The following GABBR2 variants were observed in gnomAD, a reference collection of about 807,000 sequenced individuals.
GABBR2 encodes gamma-aminobutyric acid type B receptor subunit 2.
Under a neutral mutation model 105.6 loss-of-function variants are expected in GABBR2, and 23 were observed. The ratio of observed to expected loss-of-function variants is 0.22; its 90% confidence interval spans 0.16 to 0.31. The LOEUF (loss-of-function observed/expected upper bound fraction) is 0.31. GABBR2 is among the 10% of genes least tolerant of loss of function. The pLI, the probability that GABBR2 is intolerant of heterozygous loss-of-function variation, is 1.00. For synonymous variants in GABBR2, 478 were observed against 499.7 expected (o/e 0.96, Z 0.58); for missense variants, 734 against 1,245.5 (o/e 0.59, Z 6.18).
chr9:98,315,456 G>A (rs1223166612), intron 13 of GABBR2, among the ~76,000 whole-genome samples: 1 of 152,210 alleles, frequency 6.6e-6, no homozygotes, highest in Non-Finnish European at 1.5e-5. Flanking sequence ...TGATGTTCCT[G>A]TTCCTGTGAG....
intron 1 of GABBR2, among the ~76,000 whole-genome samples, chr9:98,701,305 G>C (rs1321728577): frequency 6.6e-6 from 1 of 152,216 alleles, no homozygotes; most frequent in African/African-American, 2.4e-5. Flanking sequence ...TCTTTAAAAA[G>C]GAATTTGGGG....
At chr9:98,448,919 T>TA (rs10623958) in intron 7 of GABBR2, among the ~76,000 whole-genome samples, 13,640 of 146,484 alleles carry the variant, frequency 0.093, 720 homozygotes, top group South Asian at 0.24. Flanking sequence ...GGAAAGAGTT[T>TA]AAAAAAAAAA....
intron 16 of GABBR2, among the ~76,000 whole-genome samples, chr9:98,299,831 G>C (rs1440685239): frequency 1.3e-5 from 2 of 152,138 alleles, no homozygotes; most frequent in African/African-American, 4.8e-5. Flanking sequence ...GTTTAGCCCA[G>C]TGTCTGAAAC....
At chr9:98,644,362 C>A (rs1362102279) in intron 1 of GABBR2, among the ~76,000 whole-genome samples, 2 of 152,214 alleles carry the variant, frequency 1.3e-5, no homozygotes, top group African/African-American at 4.8e-5. Context: ...TGAAACAGAT[C>A]TTGGTTGCCT....
Position 98,388,660 on chromosome 9 carries a change from TGC to T in GABBR2, c.1529+192_1529+193del, listed in dbSNP as rs1554698924. 7.1e-5 allele frequency among the ~76,000 whole-genome samples: 10 copies of T among 141,790 alleles called. No individual in the cohort carries two copies. The highest frequency in any genetic ancestry group is 1.2e-4 in the Non-Finnish European group (8 of 65,666). 93.0% of individuals were successfully genotyped at this position (141,790 alleles called of 152,430 possible). A position where few individuals can be genotyped will look rare whatever the true frequency, so the allele number is the denominator to read the frequency against. ...GTGTGTGTGTGTGTGTGTGTGTGTG[TGC>T]GTGCACGCACACACACGTACTCACA... On this transcript the variant is annotated intron_variant, in intron 10 of 18. Coordinates refer to ENST00000259455, the MANE Select transcript of GABBR2 (RefSeq NM_005458.8). This position sits in a 1 kb window ranked among gnomAD's most constrained non-coding sequence, Gnocchi z 4.4.
Position 98,306,196 on chromosome 9 carries a change from A to G in GABBR2, c.2154T>C (p.Asn718=), listed in dbSNP as rs780225675. The change falls in exon 15 of 19, where the codon AAT becomes AAC. Residue 718 remains asparagine (N), a synonymous_variant. Coordinates refer to ENST00000259455, the MANE Select transcript of GABBR2 (RefSeq NM_005458.8). This position sits in a 1 kb window ranked among gnomAD's most constrained non-coding sequence, Gnocchi z 5.4. Reference sequence around the variant, plus strand: ...CCAGAGCCACGATGCAGAACTGCACATTGGGCTGGTCCCGGGTCAGGAAGG... The same window carrying G: ...CCAGAGCCACGATGCAGAACTGCACGTTGGGCTGGTCCCGGGTCAGGAAGG... The part of the protein sequence containing the change: ...AVSFLTRDQP[N]VQFCIVALVI... 3.7e-6 allele frequency: 6 copies of G among 1,614,050 alleles called. No individual in the cohort carries two copies. Among genetic ancestry groups the G allele is most frequent in the Non-Finnish European group, 3.4e-6 (4 of 1,180,018 alleles).
At chr9:98,628,167 A>G (rs1332265073) in intron 1 of GABBR2, among the ~76,000 whole-genome samples, 1 of 152,238 alleles carries the variant, frequency 6.6e-6, no homozygotes, top group African/African-American at 2.4e-5. Flanking sequence ...TATCCCACTT[A>G]GGCCAACAAT....
chr9:98,611,409 C>G (rs771891544), intron 1 of GABBR2, among the ~76,000 whole-genome samples: 8 of 152,168 alleles, frequency 5.3e-5, no homozygotes, highest in Non-Finnish European at 8.8e-5. Context: ...GCTTCTCCAA[C>G]AATGAAAACT....
chr9:98,634,020 AG>A (rs1286803144), intron 1 of GABBR2, among the ~76,000 whole-genome samples: 6 of 152,154 alleles, frequency 3.9e-5, no homozygotes, highest in African/African-American at 1.2e-4. Context: ...GAATTTTCAG[AG>A]CTGTCACACG....
Position 98,323,684 on chromosome 9 carries a change from C to T in GABBR2, c.1894-12479G>A, listed in dbSNP as rs73657137. On this transcript the variant is annotated intron_variant, in intron 13 of 18. Coordinates refer to ENST00000259455, the MANE Select transcript of GABBR2 (RefSeq NM_005458.8). ...AGGCCTTGGACCTCCCAGCCTAGAC[C>T]TTGAGGCAGCTGAGCTGTTCCCACT... 7.5e-3 allele frequency among the ~76,000 whole-genome samples: 1,135 copies of T among 152,330 alleles called. 11 individuals are homozygous for T. Among genetic ancestry groups the T allele is most frequent in the African/African-American group, 0.026 (1,092 of 41,580 alleles).
intron 2 of GABBR2, among the ~76,000 whole-genome samples, chr9:98,556,430 CCA>C (rs775909856): frequency 2.0e-5 from 3 of 152,156 alleles, no homozygotes; most frequent in African/African-American, 4.8e-5. Flanking sequence ...GCACGAGACT[CCA>C]CACCTCTGAA....
At chr9:98,399,227 G>A (rs1832346564) in intron 8 of GABBR2, among the ~76,000 whole-genome samples, 2 of 151,908 alleles carry the variant, frequency 1.3e-5, no homozygotes, top group South Asian at 4.2e-4. Context: ...GGTGGCACGT[G>A]CCTGTAATCT....
Position 98,454,257 on chromosome 9 carries a change from C to A in GABBR2, c.1000-40G>T, listed in dbSNP as rs770903240. ...GATTGGGGGAATCCCAAGTTATACT[C>A]GGCAGGGACATCAGGTGCCTGATGC... is the stretch of plus-strand genomic sequence containing the variant. On this transcript the variant is annotated intron_variant, in intron 6 of 18. Coordinates refer to ENST00000259455, the MANE Select transcript of GABBR2 (RefSeq NM_005458.8). This position sits in a 1 kb window ranked among gnomAD's most constrained non-coding sequence, Gnocchi z 4.6. The A allele has an allele frequency of 4.3e-6, 6 of 1,392,250 alleles. No individual in the cohort carries two copies. Among genetic ancestry groups the A allele is most frequent in the African/African-American group, 2.8e-5 (2 of 70,636 alleles). 86.2% of individuals were successfully genotyped at this position (1,392,250 alleles called of 1,614,324 possible).
intron 1 of GABBR2, among the ~76,000 whole-genome samples, chr9:98,651,856 G>A (rs528381471): frequency 7.5e-4 from 114 of 152,266 alleles, no homozygotes; most frequent in African/African-American, 2.7e-3. Flanking sequence ...AACCCTGACT[G>A]GATTTTTTTA....
chr9:98,425,152 AC>A (rs934415320), intron 7 of GABBR2, among the ~76,000 whole-genome samples: 9 of 152,140 alleles, frequency 5.9e-5, no homozygotes, highest in African/African-American at 2.2e-4. Flanking sequence ...AAAACCATAT[AC>A]CAAAAAAGGT....
At position 98,315,234 on chromosome 9, in the gene GABBR2, A is replaced by G. The variant is rs140387636; in HGVS notation, c.1894-4029T>C. 2.5e-3 allele frequency among the ~76,000 whole-genome samples: 374 copies of G among 152,260 alleles called. 2 individuals carry two copies. The highest frequency in any genetic ancestry group is 8.2e-3 in the African/African-American group (340 of 41,552). ...GCACAGTCCTGGCAGGAGGGTAGCA[A>G]ACAAACACGATGGGTCCACTGAGAG... On this transcript the variant is annotated intron_variant, in intron 13 of 18. Transcript: ENST00000259455.
At chr9:98,479,838 C>A (rs1163485551) in intron 5 of GABBR2, among the ~76,000 whole-genome samples, 1 of 152,166 alleles carries the variant, frequency 6.6e-6, no homozygotes, top group African/African-American at 2.4e-5. Context: ...AACTGGGGGT[C>A]ATCTGGAACA....
At chr9:98,626,491 T>C (rs1012662643) in intron 1 of GABBR2, among the ~76,000 whole-genome samples, 1 of 152,196 alleles carries the variant, frequency 6.6e-6, no homozygotes, top group African/African-American at 2.4e-5. Flanking sequence ...GGTGAAATCG[T>C]AGAGAGGTAG....
intron 13 of GABBR2, among the ~76,000 whole-genome samples, chr9:98,361,651 C>T (rs1434012972): frequency 2.0e-5 from 3 of 152,190 alleles, no homozygotes; most frequent in Non-Finnish European, 2.9e-5. Context: ...CAGTTCCTGC[C>T]CCCTTGGCCC....
Sources: allele counts gnomAD v4.1 joint callset (sites outside exome capture counted in the v4.1 genomes callset), GRCh38; gene constraint gnomAD v4.1.1; non-coding constraint Gnocchi (gnomAD v3.1); transcripts MANE v1.5; gene names NCBI Gene and HGNC (gene_info 2026-07-23, HGNC 2026-07-21).